Variants in ZNF804B observed in about 807,000 individuals in gnomAD.
ZNF804B encodes zinc finger protein 804B.
Under a neutral mutation model 101.4 loss-of-function variants are expected in ZNF804B, and 80 were observed. The observed-to-expected ratio is 0.79, with a 90% CI of 0.66 to 0.95. The LOEUF (loss-of-function observed/expected upper bound fraction) is 0.95, where lower values mean the gene tolerates loss of function less well. ZNF804B is among the 40% of genes least tolerant of loss of function. The probability of loss-of-function intolerance (pLI) is 0.00; values close to 1 mark genes in which losing one functional copy is unlikely to be tolerated. For synonymous variants in ZNF804B, 622 were observed against 558.8 expected, an observed-to-expected ratio of 1.11 and a Z score of -1.59; for missense variants, 1,673 against 1,561.9, an observed-to-expected ratio of 1.07 and a Z score of -1.20.
chr7:88,856,919 G>T (rs1791569604), intron 1 of ZNF804B, among the ~76,000 whole-genome samples: 1 of 152,104 alleles, frequency 6.6e-6, no homozygotes. Flanking sequence ...TTATTGATTT[G>T]TGTATGTTGA....
chr7:89,335,273 A>C lies in ZNF804B; in HGVS notation c.2291A>C (p.Tyr764Ser). ...KRKCLKHNCFYLSDDITKSSQ... is the reference protein window; with the variant it reads ...KRKCLKHNCFSLSDDITKSSQ... The stretch of plus-strand genomic sequence containing the variant: ...AAATGTCTAAAGCACAACTGCTTCT[A>C]CTTGTCTGATGATATAACAAAGAGC... The change falls in exon 4 of 4, where the codon TAC (tyrosine) becomes TCC (serine). Residue 764 changes from tyrosine (Y) to serine (S), a missense_variant. Tyr to Ser is a moderately radical substitution (Grantham distance 144). Coordinates refer to ENST00000333190, the MANE Select transcript of ZNF804B (RefSeq NM_181646.5). The C allele has an allele frequency of 6.2e-7, 1 of 1,613,782 alleles. No individual in the cohort carries two copies.
intron 1 of ZNF804B, among the ~76,000 whole-genome samples, chr7:88,975,155 C>G (rs140854828): frequency 6.6e-6 from 1 of 151,514 alleles, no homozygotes; most frequent in African/African-American, 2.4e-5. Context: ...ATATGTACCA[C>G]ATTTTTCTTA....
Position 89,057,181 on chromosome 7 carries a change from A to G in ZNF804B, c.109-160974A>G, listed in dbSNP as rs138514786. ...ATAGGAACAATGGGGATGAAAGTCAATTCTTAAACAGTCTTATGACCCCAG... is the reference window on the plus strand; with the variant it reads ...ATAGGAACAATGGGGATGAAAGTCAGTTCTTAAACAGTCTTATGACCCCAG... On this transcript the variant is annotated intron_variant, in intron 1 of 3. Transcript: ENST00000333190. Among the ~76,000 whole-genome samples the G allele has an allele frequency of 5.3e-3, 810 of 152,278 alleles. 2 individuals are homozygous for G. Among genetic ancestry groups the G allele is most frequent in the Non-Finnish European group, 8.9e-3 (605 of 68,014 alleles).
intron 1 of ZNF804B, among the ~76,000 whole-genome samples, chr7:88,884,663 G>A (rs1359329027): frequency 3.3e-5 from 5 of 151,772 alleles, no homozygotes; most frequent in Admixed American, 2.0e-4. Context: ...GACAGATGGA[G>A]AAATGAGATT....
intron 1 of ZNF804B, among the ~76,000 whole-genome samples, chr7:89,182,746 G>A (rs1788316015): frequency 6.6e-6 from 1 of 152,062 alleles, no homozygotes; most frequent in Non-Finnish European, 1.5e-5. Context: ...TGTTTTTATT[G>A]CTGATTCATA....
At chr7:89,004,055 C>CA (rs5885649) in intron 1 of ZNF804B, among the ~76,000 whole-genome samples, 13,617 of 111,880 alleles carry the variant, frequency 0.12, 707 homozygotes, top group Non-Finnish European at 0.14. Flanking sequence ...CCTGAATGAG[C>CA]AAAAAAAAAA....
chr7:88,967,848 G>C (rs981226309), intron 1 of ZNF804B, among the ~76,000 whole-genome samples: 7 of 151,442 alleles, frequency 4.6e-5, no homozygotes, highest in African/African-American at 7.3e-5. Context: ...GTGTGAAAGA[G>C]TACTGTAGGC....
At chr7:89,060,537 C>A (rs1789363530) in intron 1 of ZNF804B, among the ~76,000 whole-genome samples, 1 of 152,102 alleles carries the variant, frequency 6.6e-6, no homozygotes. Context: ...CTCTGCTAAT[C>A]TATATGCCGT....
chr7:89,007,446 TTATATATATA>T lies in ZNF804B; in HGVS notation c.109-210679_109-210670del, dbSNP rs61374091. Among the ~76,000 whole-genome samples, 302 of 57,198 alleles carry T rather than the reference TTATATATATA, an allele frequency of 5.3e-3. 4 individuals are homozygous for T. The highest frequency in any genetic ancestry group is 0.029 in the South Asian group (42 of 1,424). 37.5% of individuals were successfully genotyped at this position (57,198 alleles called of 152,430 possible). ...ATGTTATCTAAAGTTATCCATGATT[TTATATATATA>T]TATATATATATATATATATATATAT... On this transcript the variant is annotated intron_variant, in intron 1 of 3. Coordinates refer to ENST00000333190, the MANE Select transcript of ZNF804B (RefSeq NM_181646.5).
At position 89,276,553 on chromosome 7, in the gene ZNF804B, T is replaced by A. The variant is rs1427255699; in HGVS notation, c.250-50791T>A. On this transcript the variant is annotated intron_variant, in intron 2 of 3. Transcript: ENST00000333190. ...TGGACTTCTGAGATAAATTATGAGA[T>A]AAATTGAAAATATATTTTAAAATGC... Among the ~76,000 whole-genome samples, 7 of 151,896 alleles carry A rather than the reference T, an allele frequency of 4.6e-5. 1 individual carries two copies. Among genetic ancestry groups the A allele is most frequent in the African/African-American group, 1.5e-4 (6 of 41,180 alleles).
At chr7:88,909,856 A>G (rs1274652765) in intron 1 of ZNF804B, among the ~76,000 whole-genome samples, 1 of 151,594 alleles carries the variant, frequency 6.6e-6, no homozygotes, top group Non-Finnish European at 1.5e-5. Flanking sequence ...TAAACGTCCT[A>G]ATTACCTTTA....
chr7:88,933,912 C>T (rs749107504), intron 1 of ZNF804B, among the ~76,000 whole-genome samples: 11 of 137,704 alleles, frequency 8.0e-5, no homozygotes, highest in Non-Finnish European at 1.2e-4. Context: ...GAAAAACAAT[C>T]GTAAAATTTG....
intron 1 of ZNF804B, among the ~76,000 whole-genome samples, chr7:88,937,374 C>T (rs564064388): frequency 6.6e-6 from 1 of 151,984 alleles, no homozygotes; most frequent in Non-Finnish European, 1.5e-5. Context: ...AAATAAAGAG[C>T]CTAAGCTTAT....
chr7:89,128,660 G>T (rs552778127), intron 1 of ZNF804B, among the ~76,000 whole-genome samples: 2 of 151,856 alleles, frequency 1.3e-5, no homozygotes, highest in African/African-American at 4.8e-5. Flanking sequence ...TCTTTTTCAT[G>T]TTAATTTGCT....
At chr7:88,796,382 A>C (rs1790485324) in intron 1 of ZNF804B, among the ~76,000 whole-genome samples, 1 of 152,160 alleles carries the variant, frequency 6.6e-6, no homozygotes, top group African/African-American at 2.4e-5. Flanking sequence ...TAATACATAA[A>C]AATGGACTAT....
chr7:89,334,505 T>C lies in ZNF804B; in HGVS notation c.1523T>C (p.Leu508Ser). ...KTELGKKPLE[L>S]KTKRESQVSG... Reference sequence around the variant, plus strand: ...GAATTGGGTAAGAAGCCCTTGGAATTGAAGACTAAAAGAGAGAGCCAAGTC... The same window carrying C: ...GAATTGGGTAAGAAGCCCTTGGAATCGAAGACTAAAAGAGAGAGCCAAGTC... Residue 508 changes from leucine (L) to serine (S), a missense_variant, in exon 4 of 4, where the codon TTG (leucine) becomes TCG (serine). Transcript: ENST00000333190. The C allele has an allele frequency of 6.2e-7, 1 of 1,613,752 alleles. No individual in the cohort carries two copies. Among genetic ancestry groups the C allele is most frequent in the Non-Finnish European group, 8.5e-7 (1 of 1,179,838 alleles).
intron 1 of ZNF804B, among the ~76,000 whole-genome samples, chr7:88,836,360 A>G (rs1298566595): frequency 6.6e-6 from 1 of 151,892 alleles, no homozygotes; most frequent in African/African-American, 2.4e-5. Flanking sequence ...TCAAAAGTAG[A>G]GATCACATGT....
At chr7:89,195,734 T>A (rs1013408108) in intron 1 of ZNF804B, among the ~76,000 whole-genome samples, 16 of 150,818 alleles carry the variant, frequency 1.1e-4, no homozygotes, top group Admixed American at 4.0e-4. Flanking sequence ...GTGCAAAAAT[T>A]TCTAGCATTT....
intron 1 of ZNF804B, among the ~76,000 whole-genome samples, chr7:88,902,103 C>A (rs1408653409): frequency 2.0e-5 from 3 of 151,892 alleles, no homozygotes; most frequent in African/African-American, 7.2e-5. Context: ...TAGCTCTAAA[C>A]CCGATACACT....
Sources: gnomAD v4.1 joint callset for allele counts (sites outside exome capture counted in the v4.1 genomes callset) on GRCh38, gnomAD v4.1.1 for gene constraint, MANE v1.5 for transcripts, NCBI Gene and HGNC (gene_info 2026-07-23, HGNC 2026-07-21) for gene names.